Variants in RNF144A observed in about 807,000 individuals in gnomAD.
RNF144A encodes ring finger protein 144A.
In RNF144A, 11 loss-of-function variants were observed where a neutral mutation model predicts 38.7. That is an observed-to-expected ratio of 0.28 (90% confidence interval 0.18 to 0.47). RNF144A has a LOEUF of 0.47. Ranked by LOEUF, RNF144A falls within the 20% of genes least tolerant of loss-of-function variation. RNF144A has a pLI of 0.99. For synonymous variants in RNF144A, 149 were observed against 143.9 expected, an observed-to-expected ratio of 1.04 and a Z score of -0.25; for missense variants, 316 against 377.2, an observed-to-expected ratio of 0.84 and a Z score of 1.34.
intron 6 of RNF144A, among the ~76,000 whole-genome samples, chr2:7,060,847 G>A (rs1673923701): frequency 6.6e-6 from 1 of 152,164 alleles, no homozygotes; most frequent in African/African-American, 2.4e-5. Context: ...TTATGCTCTA[G>A]TAGCATGTGG....
At chr2:6,927,889 G>C (rs892768164) in intron 1 of RNF144A, among the ~76,000 whole-genome samples, 23 of 152,206 alleles carry the variant, frequency 1.5e-4, no homozygotes, top group African/African-American at 5.5e-4. Flanking sequence ...TGCTGATCTG[G>C]AGGGCCTTGG....
intron 2 of RNF144A, among the ~76,000 whole-genome samples, chr2:6,992,835 A>G (rs539662146): frequency 2.0e-5 from 3 of 152,348 alleles, no homozygotes; most frequent in Admixed American, 6.5e-5. Flanking sequence ...CTCTTTCATC[A>G]CAAGGCACAA....
At chr2:6,971,598 G>A (rs976642372) in intron 2 of RNF144A, among the ~76,000 whole-genome samples, 15 of 152,140 alleles carry the variant, frequency 9.9e-5, no homozygotes, top group Admixed American at 3.9e-4. Context: ...GCTAACATGG[G>A]GCAATCAGTT....
chr2:7,031,627 A>C (rs550578156), intron 8 of RNF144A, among the ~76,000 whole-genome samples: 1 of 152,238 alleles, frequency 6.6e-6, no homozygotes, highest in Non-Finnish European at 1.5e-5. Flanking sequence ...AGAGCCTCTG[A>C]GGCACATGTG....
intron 2 of RNF144A, among the ~76,000 whole-genome samples, chr2:6,973,357 A>G (rs528567771): frequency 6.6e-6 from 1 of 152,362 alleles, no homozygotes; most frequent in Admixed American, 6.5e-5. Flanking sequence ...CTGTTTAACC[A>G]CAGATAGTTG....
chr2:7,051,045 G>A (rs1036685104), intron 6 of RNF144A, among the ~76,000 whole-genome samples: 4 of 152,172 alleles, frequency 2.6e-5, no homozygotes, highest in Non-Finnish European at 5.9e-5. Context: ...GCAAATGCAC[G>A]GAGACATCAC....
chr2:7,071,418 G>C (rs309301), downstream of RNF144A, among the ~76,000 whole-genome samples: 42,379 of 152,102 alleles, frequency 0.28, 7,068 homozygotes, highest in South Asian at 0.44. Flanking sequence ...TCCTTCTTTG[G>C]ACAAGGTCTT....
At chr2:7,030,663 AC>A (rs1432220692) in intron 8 of RNF144A, among the ~76,000 whole-genome samples, 2 of 152,056 alleles carry the variant, frequency 1.3e-5, no homozygotes, top group Non-Finnish European at 1.5e-5. Flanking sequence ...GTGGTCCCCA[AC>A]CTTTTTGGCA....
rs1037469362 is a variant in RNF144A at position 6,996,858 on chromosome 2, G to A, written c.-11-58G>A. ...GCTACAGCCAGGAGAACCTTGCCACGGAGCAGGTGGATGCCAGGGGTGGGG... is the reference window on the plus strand; with the variant it reads ...GCTACAGCCAGGAGAACCTTGCCACAGAGCAGGTGGATGCCAGGGGTGGGG... On this transcript the variant is annotated intron_variant, in intron 2 of 8. Transcript: ENST00000320892. 8 of 1,564,338 alleles carry A rather than the reference G, an allele frequency of 5.1e-6. No individual in the cohort carries two copies. The East Asian group carries it at 6.8e-5, about 13-fold the overall frequency.
In RNF144A at chr2:6,926,621, C is replaced by T. The variant is rs1407078445; in HGVS notation, c.-212+8999C>T. ...TGGGTACAGTGTGGGCTGGGAATCC[C>T]AGTCCTGTCCTGGTTGTCTTTGTAC... On this transcript the variant is annotated intron_variant, in intron 1 of 8. Coordinates refer to ENST00000320892, the MANE Select transcript of RNF144A (RefSeq NM_014746.6). Among the ~76,000 whole-genome samples, 4 of 152,178 alleles carry T rather than the reference C, an allele frequency of 2.6e-5. No homozygotes were observed. In the East Asian group the frequency reaches 5.8e-4, roughly 22 times the overall value.
At chr2:7,058,110 ACAGAT>A (rs1205325881) in intron 6 of RNF144A, among the ~76,000 whole-genome samples, 3 of 152,190 alleles carry the variant, frequency 2.0e-5, no homozygotes, top group Non-Finnish European at 4.4e-5. Flanking sequence ...GTGCCAGGCA[ACAGAT>A]AAGTCAATAT....
In RNF144A at chr2:6,943,645, A is replaced by C. The variant is rs1274862859; in HGVS notation, c.-12+2498A>C. ...TAGGAGAGAGAGATGGGTTTGTGGA[A>C]AAGTGGAGTTACTGGCTTTAGGAGG... On this transcript the variant is annotated intron_variant, in intron 2 of 8. Coordinates refer to ENST00000320892, the MANE Select transcript of RNF144A (RefSeq NM_014746.6). This position sits in a 1 kb window ranked among gnomAD's most constrained non-coding sequence, Gnocchi z 4.3. Among the ~76,000 whole-genome samples, 3 of 152,226 alleles carry C rather than the reference A, an allele frequency of 2.0e-5. No individual in the cohort carries two copies. In the East Asian group the frequency reaches 5.8e-4, roughly 29 times the overall value.
chr2:6,980,834 T>C (rs1338513240), intron 2 of RNF144A, among the ~76,000 whole-genome samples: 1 of 152,234 alleles, frequency 6.6e-6, no homozygotes, highest in East Asian at 1.9e-4. Flanking sequence ...ATGAAGGCTC[T>C]GGCCTGCAGC....
chr2:6,936,746 A>G (rs930394705), intron 1 of RNF144A, among the ~76,000 whole-genome samples: 7 of 152,094 alleles, frequency 4.6e-5, no homozygotes, highest in African/African-American at 1.7e-4. Flanking sequence ...GTGTAAATTA[A>G]TTAATTGTAT....
chr2:6,954,625 T>TTGATGA (rs1176333441), intron 2 of RNF144A, among the ~76,000 whole-genome samples: 1 of 152,226 alleles, frequency 6.6e-6, no homozygotes, highest in East Asian at 1.9e-4. Context: ...GTTTCATCAT[T>TTGATGA]TGGATGGAGC....
chr2:6,982,163 G>A (rs1668672495), intron 2 of RNF144A, among the ~76,000 whole-genome samples: 1 of 152,200 alleles, frequency 6.6e-6, no homozygotes, highest in African/African-American at 2.4e-5. Context: ...GATAAGATTT[G>A]GGTGGGGACA....
chr2:6,996,827 G>A, intron 2 of RNF144A, 89 bp from the exon 3 acceptor site: 1 of 1,373,438 alleles, frequency 7.3e-7, no homozygotes, highest in Non-Finnish European at 1.0e-6. Context: ...ACCTCCCTGG[G>A]TCCCAGCTAC....
At chr2:7,073,601 C>T in the RNF144A span, among the ~76,000 whole-genome samples, 1 of 152,166 alleles carries the variant, frequency 6.6e-6, no homozygotes, top group Non-Finnish European at 1.5e-5. Flanking sequence ...AGTGGAGGAA[C>T]CCGATGCCTG....
chr2:7,025,917 G>A (rs1671865425), intron 7 of RNF144A, among the ~76,000 whole-genome samples: 1 of 152,194 alleles, frequency 6.6e-6, no homozygotes, highest in South Asian at 2.1e-4. Flanking sequence ...GCAAGTCCAT[G>A]CTTCCCATGT....
Sources: allele counts gnomAD v4.1 joint callset (sites outside exome capture counted in the v4.1 genomes callset), GRCh38; gene constraint gnomAD v4.1.1; non-coding constraint Gnocchi (gnomAD v3.1); transcripts MANE v1.5; gene names NCBI Gene and HGNC (gene_info 2026-07-23, HGNC 2026-07-21).